Variants in TLN1 observed in about 807,000 individuals in gnomAD.
TLN1 encodes talin-1.
TLN1 carries 56 observed loss-of-function variants against 292.3 expected under a neutral mutation model. The ratio of observed to expected loss-of-function variants is 0.19; its 90% CI spans 0.15 to 0.24. The LOEUF is 0.24. Ranked by LOEUF, TLN1 falls within the 10% of genes least tolerant of loss-of-function variation. TLN1 has a pLI of 1.00. For synonymous variants in TLN1, 1,119 were observed against 1,253.7 expected (o/e 0.89, Z 2.27); for missense variants, 2,433 against 3,248.2 (o/e 0.75, Z 6.10).
At position 35,724,352 on chromosome 9, in the gene TLN1, C is replaced by A; in HGVS notation, c.512-18G>T. The A allele has an allele frequency of 6.2e-7, 1 of 1,613,948 alleles. No individual in the cohort carries two copies. Among genetic ancestry groups the A allele is most frequent in the Non-Finnish European group, 8.5e-7 (1 of 1,179,902 alleles). ...CCAGTTCACTGGGATACAGACAGTC[C>A]CCTCAGTGCCAAACCCCCATGGCCC... On this transcript the variant is annotated intron_variant, in intron 5 of 56. Transcript: ENST00000314888. This position sits in a 1 kb window ranked among gnomAD's most constrained non-coding sequence, Gnocchi z 4.7.
chr9:35,720,559 A>T (rs768392363), intron 11 of TLN1, 50 bp from the exon 12 acceptor site: 1 of 1,564,070 alleles, frequency 6.4e-7, no homozygotes, highest in Non-Finnish European at 8.8e-7. Flanking sequence ...AGAAGAGGGA[A>T]GTGGAGAAAA....
At chr9:35,727,037 C>T (rs1305896791) in intron 1 of TLN1, among the ~76,000 whole-genome samples, 1 of 152,218 alleles carries the variant, frequency 6.6e-6, no homozygotes, top group African/African-American at 2.4e-5. Context: ...ACCCCACCTT[C>T]TTCCACCCTC....
rs562400288 is a variant in TLN1, at chr9:35,709,057, T to C, written c.4327-573A>G. The stretch of plus-strand genomic sequence containing the variant: ...AATACACAGTAGCTTTGCTTTTTCC[T>C]CTATGCATTTTCAGAAGGTGGGGGG... On this transcript the variant is annotated intron_variant, in intron 33 of 56. Transcript: ENST00000314888. 1.2e-4 allele frequency among the ~76,000 whole-genome samples: 18 copies of C among 152,344 alleles called. 1 individual carries two copies. In the South Asian group the frequency reaches 2.9e-3, roughly 25 times the overall value.
At chr9:35,720,951 A>G (rs777448294) in intron 10 of TLN1, 38 bp from the exon 11 acceptor site, 26 of 1,530,852 alleles carry the variant, frequency 1.7e-5, no homozygotes, top group Non-Finnish European at 2.4e-5. Flanking sequence ...GGAAAGCTCA[A>G]ATCTATCCAG....
In TLN1 at chr9:35,725,173, G is replaced by A. The variant is rs371866522; in HGVS notation, c.228+51C>T. The A allele has an allele frequency of 6.8e-5, 109 of 1,597,890 alleles. 1 individual carries two copies. In the African/African-American group the frequency reaches 8.4e-4, roughly 12 times the overall value. The stretch of plus-strand genomic sequence containing the variant: ...GTGCTGAAAACAGGAGGTGGAACAG[G>A]GAGAAGCTGATGGAAGGGGATGTGG... On this transcript the variant is annotated intron_variant, in intron 3 of 56. Transcript: ENST00000314888.
Position 35,699,912 on chromosome 9 carries a change from G to C in TLN1, c.6768+62C>G. On this transcript the variant is annotated intron_variant, in intron 50 of 56. Coordinates refer to ENST00000314888, the MANE Select transcript of TLN1 (RefSeq NM_006289.4). This position sits in a 1 kb window ranked among gnomAD's most constrained non-coding sequence, Gnocchi z 4.0. ...AAACAGACAGCAGGGTGCGAGGCCT[G>C]CAGGAAGAGGGCTGTGTATTCAGGG... 1 of 1,511,244 alleles carries C rather than the reference G, an allele frequency of 6.6e-7. No individual in the cohort carries two copies. 93.6% of individuals were successfully genotyped at this position (1,511,244 alleles called of 1,614,324 possible). A position where few individuals can be genotyped will look rare whatever the true frequency, so the allele number is the denominator to read the frequency against.
chr9:35,726,127 T>C (rs973446929), intron 1 of TLN1, among the ~76,000 whole-genome samples: 19 of 152,212 alleles, frequency 1.2e-4, no homozygotes, highest in African/African-American at 4.3e-4. Context: ...TTAGCCAGGA[T>C]GGTCTCGATC....
Position 35,718,803 on chromosome 9 carries a change from G to A in TLN1, c.1995+9C>T. 6.2e-7 allele frequency: 1 copy of A among 1,611,068 alleles called. No homozygotes were observed. Among genetic ancestry groups the A allele is most frequent in the South Asian group, 1.1e-5 (1 of 90,780 alleles). ...TCTGGGGTTCTGGGGGGTTGGGTAA[G>A]TCACCAACCTGGAAGTGGGGGTCAG... On this transcript the variant is annotated intron_variant, in intron 17 of 56. Transcript: ENST00000314888.
In TLN1 at chr9:35,698,113, A is replaced by T. The variant is rs1272649910; in HGVS notation, c.7431T>A (p.Ala2477=). 1 of 1,613,974 alleles carries T rather than the reference A, an allele frequency of 6.2e-7. No individual in the cohort carries two copies. Among genetic ancestry groups the T allele is most frequent in the African/African-American group, 1.3e-5 (1 of 74,938 alleles). The change falls in exon 56 of 57, where the codon GCT becomes GCA. Residue 2477 remains alanine, a synonymous_variant. Transcript: ENST00000314888. The surrounding 1 kb of genome is among the most constrained non-coding windows in gnomAD (Gnocchi z 5.3). ...SDNLVKAAQK[A]AAFEEQENET... ...CATTCTCCTGCTCTTCAAAGGCTGC[A>T]GCCTTCTGTGCTGCTTTCACCAGAT... is the stretch of plus-strand genomic sequence containing the variant.
Position 35,725,565 on chromosome 9 carries a change from G to C in TLN1, c.130C>G (p.Pro44Ala), listed in dbSNP as rs543841478. 2 of 1,612,056 alleles carry C rather than the reference G, an allele frequency of 1.2e-6. No homozygotes were observed. The highest frequency in any genetic ancestry group is 1.1e-5 in the South Asian group (1 of 91,048). ...CAGCCACCGGGGGAGTCAGACTCACGAGGACCAGCTGGGGCCTCTGGGATC... is the reference window on the plus strand; with the variant it reads ...CAGCCACCGGGGGAGTCAGACTCACCAGGACCAGCTGGGGCCTCTGGGATC... ...ERIPEAPAGP[P>A]SDFGLFLSDD... Residue 44 changes from proline to alanine, a missense_variant and splice_region_variant, in exon 2 of 57, where the codon CCC (proline) becomes GCC (alanine). Physicochemically the swap from Pro to Ala is conservative, Grantham distance 27. Transcript: ENST00000314888.
rs774546215 is a variant in TLN1, at chr9:35,714,578, A to C, written c.2981T>G (p.Leu994Arg). The C allele has an allele frequency of 4.3e-6, 7 of 1,610,050 alleles. No homozygotes were observed. The highest frequency in any genetic ancestry group is 1.3e-5 in the African/African-American group (1 of 74,932). The change falls in exon 23 of 57, where the codon CTG (leucine) becomes CGG (arginine). Residue 994 changes from leucine to arginine, a missense_variant. Transcript: ENST00000314888. This position sits in a 1 kb window ranked among gnomAD's most constrained non-coding sequence, Gnocchi z 4.6. ...LALIAASQSF[L>R]QPGGKMVAAA... Reference sequence around the variant, plus strand: ...AGTGCAGAGGGGGTGCCTTGCCTGCAGGAAGCTCTGGCTGGCAGCAATGAG... The same window carrying C: ...AGTGCAGAGGGGGTGCCTTGCCTGCCGGAAGCTCTGGCTGGCAGCAATGAG...
chr9:35,702,713 G>C (rs1369417034), intron 48 of TLN1, among the ~76,000 whole-genome samples: 1 of 151,776 alleles, frequency 6.6e-6, no homozygotes, highest in Non-Finnish European at 1.5e-5. Flanking sequence ...GGCTGGTCTC[G>C]AACTCCCGAC....
chr9:35,720,407 T>C, intron 12 of TLN1, 26 bp downstream of exon 12: 1 of 1,611,826 alleles, frequency 6.2e-7, no homozygotes, highest in Non-Finnish European at 8.5e-7. Flanking sequence ...CCCTGGGAAA[T>C]GGGATCAGCC....
At position 35,698,122 on chromosome 9, in the gene TLN1, T is replaced by C. The variant is rs1825398894; in HGVS notation, c.7422A>G (p.Ala2474=). 1 of 1,613,968 alleles carries C rather than the reference T, an allele frequency of 6.2e-7. No homozygotes were observed. The highest frequency in any genetic ancestry group is 1.3e-5 in the African/African-American group (1 of 74,922). ...GCTCTTCAAAGGCTGCAGCCTTCTG[T>C]GCTGCTTTCACCAGATTATCTGAGG... ...KRASDNLVKA[A]QKAAAFEEQE... is the part of the protein sequence containing the mutation. The change falls in exon 56 of 57, where the codon GCA becomes GCG. Residue 2474 remains alanine (A), a synonymous_variant. Transcript: ENST00000314888. The surrounding 1 kb of genome is among the most constrained non-coding windows in gnomAD (Gnocchi z 5.3).
intron 34 of TLN1, among the ~76,000 whole-genome samples, 198 bp downstream of exon 34, chr9:35,708,143 G>A (rs546749628): frequency 3.3e-5 from 5 of 152,348 alleles, no homozygotes; most frequent in Admixed American, 3.3e-4. Context: ...AACATCTACA[G>A]AGAAGTTGTG....
Position 35,717,077 on chromosome 9 carries a change from G to C in TLN1, c.2458+69C>G. 17 of 1,523,386 alleles carry C rather than the reference G, an allele frequency of 1.1e-5. No homozygotes were observed. The highest frequency in any genetic ancestry group is 1.2e-5 in the Non-Finnish European group (14 of 1,130,742). The allele number at this position is 1,523,386 out of a possible 1,614,324, so 94.4% of individuals were successfully genotyped here. ...GGGGTGAAGTGGTTAGGTCCGCAAG[G>C]GGATGATGTCCAGTGGGCTTAGGGA... On this transcript the variant is annotated intron_variant, in intron 19 of 56. Transcript: ENST00000314888. The surrounding 1 kb of genome is among the most constrained non-coding windows in gnomAD (Gnocchi z 4.7).
chr9:35,724,541 C>T lies in TLN1; in HGVS notation c.511+31G>A, dbSNP rs139629914. ...AAGCCCCTTCCCACCCTTCCCATTTCAAAAGCCCTCTTTTTTCTAGTTCTG... is the reference window on the plus strand; with the variant it reads ...AAGCCCCTTCCCACCCTTCCCATTTTAAAAGCCCTCTTTTTTCTAGTTCTG... On this transcript the variant is annotated intron_variant, in intron 5 of 56. Transcript: ENST00000314888. This position sits in a 1 kb window ranked among gnomAD's most constrained non-coding sequence, Gnocchi z 4.7. 1.2e-6 allele frequency: 2 copies of T among 1,601,402 alleles called. No homozygotes were observed. The highest frequency in any genetic ancestry group is 1.7e-6 in the Non-Finnish European group (2 of 1,173,518).
In TLN1 at chr9:35,724,521, C is replaced by T. The variant is rs749445872; in HGVS notation, c.511+51G>A. The stretch of plus-strand genomic sequence containing the variant: ...CCTGGCAGAAGCAGATGCTGAAGCC[C>T]CTTCCCACCCTTCCCATTTCAAAAG... On this transcript the variant is annotated intron_variant, in intron 5 of 56. Coordinates refer to ENST00000314888, the MANE Select transcript of TLN1 (RefSeq NM_006289.4). This position sits in a 1 kb window ranked among gnomAD's most constrained non-coding sequence, Gnocchi z 4.7. 45 of 1,592,320 alleles carry T rather than the reference C, an allele frequency of 2.8e-5. No homozygotes were observed. In the Admixed American group the frequency reaches 7.9e-4, roughly 28 times the overall value.
Position 35,719,211 on chromosome 9 carries a change from T to C in TLN1, c.1759A>G (p.Met587Val). The C allele has an allele frequency of 6.2e-7, 1 of 1,614,170 alleles. No homozygotes were observed. Among genetic ancestry groups the C allele is most frequent in the Non-Finnish European group, 8.5e-7 (1 of 1,180,014 alleles). ...GCCAGCAGCTTCACCCCACGGGACA[T>C]CTCCGTCAGGTTGGAGGAGATTGTG... Reference protein sequence around the residue: ...VTTISSNLTEMSRGVKLLAAL... With the variant: ...VTTISSNLTEVSRGVKLLAAL... Residue 587 changes from methionine to valine, a missense_variant, in exon 16 of 57, where the codon ATG becomes GTG. By Grantham distance (21) the Met-to-Val change is conservative. Transcript: ENST00000314888. This position sits in a 1 kb window ranked among gnomAD's most constrained non-coding sequence, Gnocchi z 4.6.
Sources: gnomAD v4.1 joint callset for allele counts (sites outside exome capture counted in the v4.1 genomes callset) on GRCh38, gnomAD v4.1.1 for gene constraint, Gnocchi (gnomAD v3.1) non-coding constraint, MANE v1.5 for transcripts, NCBI Gene and HGNC (gene_info 2026-07-23, HGNC 2026-07-21) for gene names.